NLGN3: variants seen among roughly 807,000 people sequenced by gnomAD.
NLGN3 encodes neuroligin 3.
In NLGN3, 11 loss-of-function variants were observed where a neutral mutation model predicts 42.9. That is an observed-to-expected ratio of 0.26 (90% CI 0.16 to 0.42). NLGN3 has a LOEUF of 0.42. NLGN3 is among the 10% of genes least tolerant of loss of function. The pLI is 1.00. For missense variants in NLGN3, 374 were observed against 733.8 expected (o/e 0.51, Z 5.67); for synonymous variants, 279 against 312.7 (o/e 0.89, Z 1.14).
intron 4 of NLGN3, among the ~76,000 whole-genome samples, chrX:71,154,050 C>T (rs972759870): frequency 1.8e-5 from 2 of 111,757 alleles, no homozygotes; most frequent in Admixed American, 1.9e-4. Context: ...ACCTCCCCAG[C>T]CTTCTAGAAA....
At chrX:71,157,554 C>T (rs773953001) in intron 5 of NLGN3, among the ~76,000 whole-genome samples, 2 of 110,428 alleles carry the variant, frequency 1.8e-5, no homozygotes, top group South Asian at 3.9e-4. Context: ...GAACTCCTGA[C>T]CTTAGGTGAT....
intron 6 of NLGN3, among the ~76,000 whole-genome samples, chrX:71,165,932 T>C (rs1410435304): frequency 1.8e-5 from 2 of 111,884 alleles, no homozygotes; most frequent in Non-Finnish European, 3.8e-5. Context: ...TAAGTAGTAA[T>C]CTATCATTTC....
In NLGN3 at chrX:71,170,861, C is replaced by T; in HGVS notation, c.*764C>T. 1.3e-6 allele frequency: 1 copy of T among 755,757 alleles called. No individual in the cohort carries two copies. Among genetic ancestry groups the T allele is most frequent in the Non-Finnish European group, 1.6e-6 (1 of 640,128 alleles). The allele number at this position is 755,757 out of a possible 1,213,427, so 62.3% of individuals were successfully genotyped here. ...CAGAGCCTGCAGGGTGACCTGCTTCCCCAAAGGCCAACAGCATTGGCCTGG... is the reference window on the plus strand; with the variant it reads ...CAGAGCCTGCAGGGTGACCTGCTTCTCCAAAGGCCAACAGCATTGGCCTGG... On this transcript the variant is annotated 3_prime_UTR_variant, in exon 8 of 8. Coordinates refer to ENST00000358741, the MANE Select transcript of NLGN3 (RefSeq NM_181303.2).
chrX:71,146,170 C>G (rs1193690090), intron 1 of NLGN3, among the ~76,000 whole-genome samples: 2 of 29,648 alleles, frequency 6.7e-5, no homozygotes, highest in Non-Finnish European at 1.1e-4. Flanking sequence ...CACACACACA[C>G]AGACACACAC....
chrX:71,171,122 A>C lies in NLGN3; in HGVS notation c.*1025A>C. 1 of 750,095 alleles carries C rather than the reference A, an allele frequency of 1.3e-6. No homozygotes were observed. The highest frequency in any genetic ancestry group is 1.6e-6 in the Non-Finnish European group (1 of 637,383). 61.8% of individuals were successfully genotyped at this position (750,095 alleles called of 1,213,427 possible). A position where few individuals can be genotyped will look rare whatever the true frequency, so the allele number is the denominator to read the frequency against. On this transcript the variant is annotated 3_prime_UTR_variant, in exon 8 of 8. Transcript: ENST00000358741. ...AAAAGTTCTTAAAACACTAACGGAAACCCATGGAGTTTGTCCTTTGTAAAA... is the reference window on the plus strand; with the variant it reads ...AAAAGTTCTTAAAACACTAACGGAACCCCATGGAGTTTGTCCTTTGTAAAA...
At chrX:71,148,595 G>C (rs952419464) in intron 2 of NLGN3, among the ~76,000 whole-genome samples, 1 of 111,665 alleles carries the variant, frequency 9.0e-6, no homozygotes, top group Non-Finnish European at 1.9e-5. Flanking sequence ...GTGGCCAAGG[G>C]CACTGGGTGT....
chrX:71,169,161 C>A, intron 7 of NLGN3, 93 bp from the exon 8 acceptor site: 1 of 1,039,696 alleles, frequency 9.6e-7, no homozygotes, highest in Non-Finnish European at 1.3e-6. Context: ...AAGTTCTAAA[C>A]TGGGAAAGAG....
At position 71,147,546 on chromosome X, in the gene NLGN3, A is replaced by G; in HGVS notation, c.-200-4A>G. 1 of 452,736 alleles carries G rather than the reference A, an allele frequency of 2.2e-6. No homozygotes were observed. The allele number at this position is 452,736 out of a possible 1,213,427, so 37.3% of individuals were successfully genotyped here. Reference sequence around the variant, plus strand: ...GGATGACGCATACTTCCCTCTTTCCACAGGCCTGTCTGGCCCTGAGGGAGT... The same window carrying G: ...GGATGACGCATACTTCCCTCTTTCCGCAGGCCTGTCTGGCCCTGAGGGAGT... On this transcript the variant is annotated splice_region_variant and splice_polypyrimidine_tract_variant and intron_variant, in intron 1 of 7. Transcript: ENST00000358741.
chrX:71,171,315 G>A (rs987425249), downstream of NLGN3: 874 of 241,596 alleles, frequency 3.6e-3, 3 homozygotes, highest in Non-Finnish European at 4.4e-3. Context: ...TTTAAGCTGA[G>A]TCTGGGCTGC....
At chrX:71,168,857 GAAAGAA>G (rs1296897702) in intron 7 of NLGN3, among the ~76,000 whole-genome samples, 5 of 86,755 alleles carry the variant, frequency 5.8e-5, no homozygotes, top group Non-Finnish European at 1.0e-4. Flanking sequence ...AAGAAAGAAA[GAAAGAA>G]AGAAAGAGAA....
chrX:71,167,382 T>A lies in NLGN3; in HGVS notation c.1285T>A (p.Phe429Ile). ...DPEDGVSGTDFDYSVSNFVDN... is the reference protein window; with the variant it reads ...DPEDGVSGTDIDYSVSNFVDN... ...TGAGGATGGTGTCTCTGGCACTGAC[T>A]TTGACTATTCCGTCTCCAATTTTGT... The change falls in exon 7 of 8, where the codon TTT (phenylalanine) becomes ATT (isoleucine). Residue 429 changes from phenylalanine (F) to isoleucine (I), a missense_variant. Phe to Ile is a conservative substitution (Grantham distance 21). This residue lies in a region of NLGN3 where 142 missense variants were observed against 359.1 expected (regional missense o/e 0.40). Coordinates refer to ENST00000358741, the MANE Select transcript of NLGN3 (RefSeq NM_181303.2). The A allele has an allele frequency of 8.3e-7, 1 of 1,211,872 alleles. No homozygotes were observed. Among genetic ancestry groups the A allele is most frequent in the Non-Finnish European group, 1.1e-6 (1 of 895,514 alleles).
chrX:71,155,123 GC>G (rs2092404011), intron 4 of NLGN3, 90 bp from the exon 5 acceptor site: 2 of 1,066,019 alleles, frequency 1.9e-6, no homozygotes, highest in African/African-American at 3.7e-5. Flanking sequence ...ACCTGGGATA[GC>G]TTTGCTGCCC....
intron 3 of NLGN3, 139 bp downstream of exon 3, chrX:71,149,044 C>A: frequency 2.7e-6 from 1 of 376,812 alleles, no homozygotes; most frequent in African/African-American, 2.6e-5. Flanking sequence ...GCCACCTCAT[C>A]TGAGGGCCCT....
chrX:71,159,156 A>C (rs2092420476), intron 5 of NLGN3, among the ~76,000 whole-genome samples: 1 of 110,601 alleles, frequency 9.0e-6, no homozygotes, highest in Non-Finnish European at 1.9e-5. Context: ...CCCTGTCTCT[A>C]CTAAAAATAC....
At chrX:71,173,844 G>C (rs1335863708), downstream of NLGN3, among the ~76,000 whole-genome samples, 1 of 105,930 alleles carries the variant, frequency 9.4e-6, no homozygotes, top group Non-Finnish European at 1.9e-5. Flanking sequence ...TATGGTAAAG[G>C]TTAAATGGAT....
intron 6 of NLGN3, 88 bp from the exon 7 acceptor site, chrX:71,166,923 T>C: frequency 2.4e-6 from 2 of 848,300 alleles, no homozygotes; most frequent in South Asian, 2.2e-5. Flanking sequence ...ATTTAAACCA[T>C]GGGGCAGCCT....
chrX:71,164,562 A>T, intron 6 of NLGN3, among the ~76,000 whole-genome samples: 1 of 112,529 alleles, frequency 8.9e-6, no homozygotes, highest in Middle Eastern at 4.6e-3. Flanking sequence ...TCTCCTTCTG[A>T]TGTGGGAGTC....
rs112095862 is a variant in NLGN3, at chrX:71,170,157, G to GCACA, written c.*78_*81dup. 0.019 allele frequency: 20,465 copies of GCACA among 1,050,557 alleles called. 95 individuals carry two copies. The highest frequency in any genetic ancestry group is 0.073 in the African/African-American group (3,657 of 50,399). 86.6% of individuals were successfully genotyped at this position (1,050,557 alleles called of 1,213,427 possible). A position where few individuals can be genotyped will look rare whatever the true frequency, so the allele number is the denominator to read the frequency against. On this transcript the variant is annotated 3_prime_UTR_variant, in exon 8 of 8. Coordinates refer to ENST00000358741, the MANE Select transcript of NLGN3 (RefSeq NM_181303.2). The stretch of plus-strand genomic sequence containing the variant: ...CTCCCTCCCAGATCCAGGAACACAT[G>GCACA]CACACACACACACACACACACGCAG...
chrX:71,168,821 AAAAGAAAGAAAGAAAGAAAG>A (rs201934142), intron 7 of NLGN3, among the ~76,000 whole-genome samples: 59 of 69,357 alleles, frequency 8.5e-4, no homozygotes, highest in East Asian at 1.3e-3. Context: ...AGAGAAAAAA[AAAAGAAAGAAAGAAAGAAAG>A]AAAGAAAGAA....
Sources: gnomAD v4.1 joint callset for allele counts (sites outside exome capture counted in the v4.1 genomes callset) on GRCh38, gnomAD v4.1.1 for gene constraint, gnomAD v4.1.1 regional missense constraint, MANE v1.5 for transcripts, NCBI Gene and HGNC (gene_info 2026-07-23, HGNC 2026-07-21) for gene names.